Variants in FRAS1 observed in about 807,000 individuals in gnomAD.
The protein encoded by FRAS1 is extracellular matrix organizing protein FRAS1.
Under a neutral mutation model 435.2 loss-of-function variants are expected in FRAS1, and 290 were observed. The ratio of observed to expected loss-of-function variants is 0.67; its 90% CI spans 0.61 to 0.73. FRAS1 has a LOEUF of 0.73. FRAS1 is among the 30% of genes least tolerant of loss of function. FRAS1 has a pLI of 0.00. For synonymous variants in FRAS1, 1,800 were observed against 1,851.0 expected (o/e 0.97, Z 0.71); for missense variants, 4,860 against 5,001.5 (o/e 0.97, Z 0.85).
chr4:78,321,106 T>C (rs896870214), intron 18 of FRAS1, among the ~76,000 whole-genome samples: 12 of 152,112 alleles, frequency 7.9e-5, no homozygotes, highest in African/African-American at 2.9e-4. Context: ...AAAATTAGAG[T>C]GACCAGGGTT....
intron 2 of FRAS1, among the ~76,000 whole-genome samples, chr4:78,204,062 G>A (rs1723154466): frequency 6.6e-6 from 1 of 152,136 alleles, no homozygotes. Flanking sequence ...CTTCATTTAG[G>A]CATGAATTAT....
chr4:78,499,081 C>T (rs1282504452), intron 60 of FRAS1, among the ~76,000 whole-genome samples: 1 of 152,072 alleles, frequency 6.6e-6, no homozygotes, highest in African/African-American at 2.4e-5. Context: ...TTAATCATTT[C>T]CTGGCAACAG....
intron 45 of FRAS1, 61 bp from the exon 46 acceptor site, chr4:78,451,707 TCTTG>T: frequency 7.2e-7 from 1 of 1,388,354 alleles, no homozygotes; most frequent in Non-Finnish European, 9.7e-7. Flanking sequence ...AATTCACACC[TCTTG>T]CTTCAGAAAT....
At chr4:78,092,513 C>G (rs1384872872) in intron 2 of FRAS1, among the ~76,000 whole-genome samples, 2 of 152,180 alleles carry the variant, frequency 1.3e-5, no homozygotes, top group East Asian at 3.8e-4. Flanking sequence ...TCATGAGACC[C>G]AGTCACTATC....
At chr4:78,059,090 G>A (rs1739618056) in intron 1 of FRAS1, among the ~76,000 whole-genome samples, 1 of 152,200 alleles carries the variant, frequency 6.6e-6, no homozygotes, top group African/African-American at 2.4e-5. Flanking sequence ...CACCTGCCCA[G>A]CCGCAAACCA....
chr4:78,196,355 T>C (rs919436949), intron 2 of FRAS1, among the ~76,000 whole-genome samples: 12 of 152,214 alleles, frequency 7.9e-5, no homozygotes, highest in African/African-American at 2.9e-4. Flanking sequence ...GTAGTATCTC[T>C]AGCATCTGGT....
intron 2 of FRAS1, among the ~76,000 whole-genome samples, chr4:78,113,062 G>A (rs1005715945): frequency 6.6e-6 from 1 of 152,114 alleles, no homozygotes; most frequent in African/African-American, 2.4e-5. Context: ...CCACCTATGA[G>A]TGAGAACATG....
At chr4:78,521,722 T>C (rs983404338) in intron 68 of FRAS1, 92 bp downstream of exon 68, 3 of 743,484 alleles carry the variant, frequency 4.0e-6, no homozygotes, top group Admixed American at 5.4e-5. Flanking sequence ...TAAAAAACAG[T>C]CAACAATGAT....
At chr4:78,097,583 G>A (rs1741874612) in intron 2 of FRAS1, among the ~76,000 whole-genome samples, 1 of 152,154 alleles carries the variant, frequency 6.6e-6, no homozygotes, top group Non-Finnish European at 1.5e-5. Flanking sequence ...TTACATGGAT[G>A]GCAGCAGGCA....
chr4:78,168,926 G>T (rs541324652), intron 2 of FRAS1, among the ~76,000 whole-genome samples: 1 of 152,248 alleles, frequency 6.6e-6, no homozygotes, highest in South Asian at 2.1e-4. Flanking sequence ...TTGTGTGCAA[G>T]ATGTCTGACA....
chr4:78,339,234 A>G (rs527608817), intron 20 of FRAS1, among the ~76,000 whole-genome samples: 20 of 152,326 alleles, frequency 1.3e-4, no homozygotes, highest in Non-Finnish European at 2.8e-4. Context: ...TTAGCTACTT[A>G]TTATCACTTT....
At chr4:78,198,460 G>A (rs1189005683) in intron 2 of FRAS1, among the ~76,000 whole-genome samples, 1 of 152,140 alleles carries the variant, frequency 6.6e-6, no homozygotes, top group African/African-American at 2.4e-5. Flanking sequence ...CCTTGACCTT[G>A]TCTCAGGCCC....
intron 18 of FRAS1, among the ~76,000 whole-genome samples, chr4:78,323,059 C>T (rs2110243637): frequency 6.6e-6 from 1 of 152,242 alleles, no homozygotes; most frequent in Middle Eastern, 3.4e-3. Flanking sequence ...AGCAGAAGAG[C>T]TCTGGTAATA....
intron 70 of FRAS1, among the ~76,000 whole-genome samples, chr4:78,532,548 C>G (rs1217246361): frequency 6.6e-6 from 1 of 152,180 alleles, no homozygotes; most frequent in African/African-American, 2.4e-5. Flanking sequence ...AATCTACTCT[C>G]TTAGGAAATG....
intron 2 of FRAS1, among the ~76,000 whole-genome samples, chr4:78,195,473 G>C (rs191061364): frequency 6.6e-6 from 1 of 152,236 alleles, no homozygotes. Context: ...GGGCAATGGC[G>C]GGCGCCCCTC....
intron 22 of FRAS1, among the ~76,000 whole-genome samples, chr4:78,365,282 C>T (rs1434288631): frequency 6.6e-6 from 1 of 152,070 alleles, no homozygotes; most frequent in African/African-American, 2.4e-5. Flanking sequence ...CTTTTTTGGG[C>T]TAGTGGGAAG....
intron 2 of FRAS1, among the ~76,000 whole-genome samples, chr4:78,127,600 G>T (rs1289699530): frequency 6.6e-6 from 1 of 152,024 alleles, no homozygotes; most frequent in Non-Finnish European, 1.5e-5. Flanking sequence ...TTCAGTTCTG[G>T]ACTTGGGCCA....
In FRAS1 at chr4:78,284,386, T is replaced by C. The variant is rs1284951219; in HGVS notation, c.1256-19T>C. On this transcript the variant is annotated intron_variant, in intron 12 of 73. Coordinates refer to ENST00000512123, the MANE Select transcript of FRAS1 (RefSeq NM_025074.7). ...GATGGAGTTCACAGAGTTCTCCCCT[T>C]CTTTGTCCTTGATTTCAGTTCATTG... The C allele has an allele frequency of 6.2e-7, 1 of 1,613,576 alleles. No homozygotes were observed. The highest frequency in any genetic ancestry group is 1.7e-5 in the Admixed American group (1 of 59,986).
At chr4:78,254,199 G>C (rs1373123272) in intron 5 of FRAS1, among the ~76,000 whole-genome samples, 3 of 152,018 alleles carry the variant, frequency 2.0e-5, no homozygotes, top group African/African-American at 7.3e-5. Context: ...TTTATAACTA[G>C]GTAGTGTATA....
Sources: gnomAD v4.1 joint callset for allele counts (sites outside exome capture counted in the v4.1 genomes callset) on GRCh38, gnomAD v4.1.1 for gene constraint, MANE v1.5 for transcripts, NCBI Gene and HGNC (gene_info 2026-07-23, HGNC 2026-07-21) for gene names.